DTNA: variants seen among roughly 807,000 people sequenced by gnomAD.
DTNA encodes dystrophin-related protein 3.
In DTNA, 43 loss-of-function variants were observed where a neutral mutation model predicts 100.7. That is an observed-to-expected ratio of 0.43 (90% CI 0.33 to 0.55). DTNA has a LOEUF of 0.55. Among genes scored for constraint, DTNA ranks in the 20% least tolerant of loss-of-function variants. DTNA has a pLI of 0.04. For synonymous variants in DTNA, 349 were observed against 347.9 expected (o/e 1.00, Z -0.04); for missense variants, 798 against 953.9 (o/e 0.84, Z 2.15).
At position 34,890,494 on chromosome 18, in the gene DTNA, G is replaced by C. The variant is rs1156837040; in HGVS notation, c.*2760G>C. On this transcript the variant is annotated 3_prime_UTR_variant, in exon 23 of 23. Coordinates refer to ENST00000444659, the MANE Select transcript of DTNA (RefSeq NM_001386795.1). The stretch of plus-strand genomic sequence containing the variant: ...TGTCCATTAGATACAACTACATCTT[G>C]CGGGGGTTGTTTCTTTCTTGTTCCA... 1 of 1,533,632 alleles carries C rather than the reference G, an allele frequency of 6.5e-7. No homozygotes were observed. Among genetic ancestry groups the C allele is most frequent in the African/African-American group, 1.4e-5 (1 of 72,892 alleles).
At chr18:34,805,785 C>CA (rs34255919) in intron 4 of DTNA, among the ~76,000 whole-genome samples, 6,079 of 129,160 alleles carry the variant, frequency 0.047, 191 homozygotes, top group East Asian at 0.22. Context: ...AATTCTCTGA[C>CA]AAAAAAAAAA....
chr18:34,626,375 A>G (rs956257939), intron 1 of DTNA, among the ~76,000 whole-genome samples: 1 of 152,198 alleles, frequency 6.6e-6, no homozygotes, highest in Non-Finnish European at 1.5e-5. Flanking sequence ...GAAATGCTCC[A>G]TGAAAAGAAA....
chr18:34,493,576 G>C (rs112193831), intron 1 of DTNA: 2 of 151,128 alleles, frequency 1.3e-5, no homozygotes, highest in Non-Finnish European at 2.9e-5. Flanking sequence ...GGGGGTGGAG[G>C]GGGTCCGTGT....
intron 3 of DTNA, among the ~76,000 whole-genome samples, chr18:34,787,311 AC>A (rs1351174520): frequency 1.3e-5 from 2 of 151,928 alleles, no homozygotes; most frequent in African/African-American, 2.4e-5. Context: ...ACCCTTTTCC[AC>A]TCTTTTATAT....
intron 4 of DTNA, among the ~76,000 whole-genome samples, chr18:34,803,436 A>G (rs1394048348): frequency 1.3e-5 from 2 of 152,082 alleles, no homozygotes; most frequent in Admixed American, 6.6e-5. Flanking sequence ...GAGTACACCT[A>G]TGAGCTATCA....
chr18:34,564,101 A>T (rs1598608339), intron 1 of DTNA, among the ~76,000 whole-genome samples: 1 of 151,930 alleles, frequency 6.6e-6, no homozygotes, highest in South Asian at 2.1e-4. Context: ...GAAGGCTTTT[A>T]TCGTATAATT....
At chr18:34,590,083 T>C (rs564790201) in intron 1 of DTNA, among the ~76,000 whole-genome samples, 1 of 152,322 alleles carries the variant, frequency 6.6e-6, no homozygotes, top group East Asian at 1.9e-4. Context: ...CAGATACCTT[T>C]AGGAGTTGAT....
At chr18:34,586,722 A>G (rs913864369) in intron 1 of DTNA, among the ~76,000 whole-genome samples, 4 of 152,206 alleles carry the variant, frequency 2.6e-5, no homozygotes, top group Non-Finnish European at 5.9e-5. Flanking sequence ...GTATATTTTC[A>G]TTTTGCTCCA....
chr18:34,787,176 T>G (rs1258711135), intron 3 of DTNA, among the ~76,000 whole-genome samples: 1 of 152,052 alleles, frequency 6.6e-6, no homozygotes, highest in African/African-American at 2.4e-5. Flanking sequence ...GGATCACTAT[T>G]CCATAATGAC....
chr18:34,742,629 T>TTCTCTTATCTATCTAGATAGATAGATAA (rs2090872080), intron 1 of DTNA, among the ~76,000 whole-genome samples: 2 of 137,690 alleles, frequency 1.5e-5, no homozygotes, highest in Admixed American at 7.3e-5. Context: ...TCTGATTATC[T>TTCTCTTATCTATCTAGATAGATAGATAA]TCTATTATCT....
intron 1 of DTNA, among the ~76,000 whole-genome samples, chr18:34,732,399 C>T (rs2088503735): frequency 6.6e-6 from 1 of 152,180 alleles, no homozygotes; most frequent in Non-Finnish European, 1.5e-5. Context: ...ACAGCGTGAT[C>T]CAAAGCAAAG....
chr18:34,738,330 G>A (rs1324911807), intron 1 of DTNA, among the ~76,000 whole-genome samples: 4 of 152,194 alleles, frequency 2.6e-5, no homozygotes, highest in African/African-American at 4.8e-5. Flanking sequence ...ATTAGCTCAT[G>A]TAATATGAGC....
At chr18:34,743,302 C>T (rs1205576168) in intron 1 of DTNA, among the ~76,000 whole-genome samples, 1 of 152,142 alleles carries the variant, frequency 6.6e-6, no homozygotes, top group Non-Finnish European at 1.5e-5. Context: ...TGTTTCTTTT[C>T]CATGTGGCCT....
intron 15 of DTNA, among the ~76,000 whole-genome samples, chr18:34,853,809 A>T (rs1244998052): frequency 6.6e-6 from 1 of 152,210 alleles, no homozygotes; most frequent in Non-Finnish European, 1.5e-5. Context: ...TTTGTTCAGG[A>T]TACTCACAAG....
chr18:34,667,891 T>G (rs1223748131), intron 1 of DTNA, among the ~76,000 whole-genome samples: 1 of 152,200 alleles, frequency 6.6e-6, no homozygotes, highest in Non-Finnish European at 1.5e-5. Context: ...TTCTCTTTTT[T>G]TTGTTGTGTC....
At chr18:34,650,536 T>C (rs2060325134) in intron 1 of DTNA, among the ~76,000 whole-genome samples, 1 of 152,178 alleles carries the variant, frequency 6.6e-6, no homozygotes. Context: ...TAATCATCGT[T>C]TGAATTTGAA....
chr18:34,542,780 G>T (rs1265250336), intron 1 of DTNA, among the ~76,000 whole-genome samples: 4 of 151,990 alleles, frequency 2.6e-5, no homozygotes, highest in Non-Finnish European at 5.9e-5. Context: ...AAAAGGCACA[G>T]AATCAACAAC....
chr18:34,670,192 C>T (rs2076547833), intron 1 of DTNA, among the ~76,000 whole-genome samples: 2 of 152,104 alleles, frequency 1.3e-5, no homozygotes, highest in South Asian at 4.1e-4. Context: ...TCACTGATAC[C>T]CTTTCTTCCA....
chr18:34,808,054 G>A (rs1341165022), intron 5 of DTNA, among the ~76,000 whole-genome samples: 1 of 151,684 alleles, frequency 6.6e-6, no homozygotes, highest in African/African-American at 2.4e-5. Context: ...CAAAACAAAA[G>A]CTAAACAAAA....
Sources: gnomAD v4.1 joint callset for allele counts (sites outside exome capture counted in the v4.1 genomes callset) on GRCh38, gnomAD v4.1.1 for gene constraint, MANE v1.5 for transcripts, NCBI Gene and HGNC (gene_info 2026-07-23, HGNC 2026-07-21) for gene names.